The following IPO11 variants were observed in gnomAD, a reference collection of about 807,000 sequenced individuals.
IPO11 encodes the protein importin-11.
In IPO11, 66 loss-of-function variants were observed where a neutral mutation model predicts 143.2. The ratio of observed to expected loss-of-function variants is 0.46; its 90% confidence interval spans 0.38 to 0.57. The LOEUF (loss-of-function observed/expected upper bound fraction) is 0.57, where lower values mean the gene tolerates loss of function less well. Among genes scored for constraint, IPO11 ranks in the 20% least tolerant of loss-of-function variants. IPO11 has a pLI of 0.00. For synonymous variants in IPO11, 385 were observed against 377.8 expected (o/e 1.02, Z -0.22); for missense variants, 1,026 against 1,141.0 (o/e 0.90, Z 1.45).
At chr5:62,579,531 A>T in intron 27 of IPO11, 1 of 1,551,110 alleles carries the variant, frequency 6.4e-7, no homozygotes, top group Non-Finnish European at 8.7e-7. Context: ...AAATACTTGG[A>T]TGTTCGTCTG....
chr5:62,452,662 C>CAT (rs1554048350), intron 5 of IPO11, among the ~76,000 whole-genome samples: 6 of 140,208 alleles, frequency 4.3e-5, no homozygotes, highest in South Asian at 2.3e-4. Context: ...GTTTTGGGTT[C>CAT]GTGTGTGTGT....
At chr5:62,609,393 G>A (rs914675010) in intron 29 of IPO11, among the ~76,000 whole-genome samples, 5 of 152,310 alleles carry the variant, frequency 3.3e-5, no homozygotes, top group East Asian at 1.9e-4. Flanking sequence ...TGGACTAGAC[G>A]TTTAACTGGT....
chr5:62,557,870 A>G (rs553443059), intron 26 of IPO11, among the ~76,000 whole-genome samples: 1 of 152,290 alleles, frequency 6.6e-6, no homozygotes, highest in East Asian at 1.9e-4. Flanking sequence ...GGCTGAAAAG[A>G]ACTCTCAGCC....
At chr5:62,474,345 T>G in intron 7 of IPO11, 71 bp from the exon 8 acceptor site, 1 of 914,174 alleles carries the variant, frequency 1.1e-6, no homozygotes, top group South Asian at 1.9e-5. Context: ...TGTTTTGGTA[T>G]CCCTGAAAAA....
intron 1 of IPO11, among the ~76,000 whole-genome samples, chr5:62,414,208 G>C (rs943115100): frequency 6.6e-6 from 1 of 152,194 alleles, no homozygotes; most frequent in Non-Finnish European, 1.5e-5. Flanking sequence ...ATTTTGTGAT[G>C]TTTGAATATA....
At chr5:62,610,235 G>A (rs1367701135) in intron 29 of IPO11, among the ~76,000 whole-genome samples, 1 of 152,052 alleles carries the variant, frequency 6.6e-6, no homozygotes, top group Non-Finnish European at 1.5e-5. Context: ...TTACTTTATT[G>A]CTTGCCATCT....
At chr5:62,497,669 G>T (rs1741203905) in intron 16 of IPO11, among the ~76,000 whole-genome samples, 1 of 152,090 alleles carries the variant, frequency 6.6e-6, no homozygotes, top group Non-Finnish European at 1.5e-5. Flanking sequence ...AGGTCTCACT[G>T]TGTTGGCCAG....
At chr5:62,467,369 AAG>A in intron 6 of IPO11, 106 bp downstream of exon 6, 18 of 1,227,408 alleles carry the variant, frequency 1.5e-5, no homozygotes, top group Non-Finnish European at 2.0e-5. Flanking sequence ...CTGGAAAAAT[AAG>A]AGGTTTATTT....
chr5:62,488,281 A>G (rs1301243675), intron 13 of IPO11, among the ~76,000 whole-genome samples: 1 of 152,240 alleles, frequency 6.6e-6, no homozygotes, highest in Non-Finnish European at 1.5e-5. Flanking sequence ...CACTTTGTAC[A>G]CAAGTAACTA....
chr5:62,488,615 G>C (rs1746495698), intron 13 of IPO11, among the ~76,000 whole-genome samples: 1 of 152,190 alleles, frequency 6.6e-6, no homozygotes, highest in African/African-American at 2.4e-5. Context: ...CTTAAGGACA[G>C]AACCTGAGAT....
At chr5:62,510,366 CACTT>C (rs912652662) in intron 19 of IPO11, among the ~76,000 whole-genome samples, 1 of 152,154 alleles carries the variant, frequency 6.6e-6, no homozygotes, top group African/African-American at 2.4e-5. Flanking sequence ...TAAGTTTCAT[CACTT>C]ACTAATATTT....
chr5:62,491,596 G>C (rs1270288124), intron 15 of IPO11, among the ~76,000 whole-genome samples: 1 of 151,406 alleles, frequency 6.6e-6, no homozygotes, highest in African/African-American at 2.4e-5. Context: ...TTAAAGCCAT[G>C]TAAAATATTT....
intron 27 of IPO11, among the ~76,000 whole-genome samples, chr5:62,588,928 G>C (rs549503657): frequency 1.3e-5 from 2 of 152,072 alleles, no homozygotes; most frequent in Non-Finnish European, 2.9e-5. Context: ...ACTCACCCAC[G>C]TGCCTAATAC....
chr5:62,444,103 T>C (rs980308079), intron 3 of IPO11, among the ~76,000 whole-genome samples: 4 of 151,578 alleles, frequency 2.6e-5, no homozygotes, highest in African/African-American at 9.7e-5. Flanking sequence ...TTTTCTTTTT[T>C]TTTTTTTTTT....
chr5:62,586,766 A>ATATAT (rs1474461126), intron 27 of IPO11, among the ~76,000 whole-genome samples: 23 of 76,178 alleles, frequency 3.0e-4, no homozygotes, highest in Admixed American at 4.5e-4. Context: ...AAAAAAAAAA[A>ATATAT]AAATATATAT....
chr5:62,626,549 A>G (rs1047566157), intron 29 of IPO11, among the ~76,000 whole-genome samples: 11 of 152,196 alleles, frequency 7.2e-5, no homozygotes, highest in Non-Finnish European at 1.5e-4. Context: ...GGATAGAAGA[A>G]GCCAAAATAT....
chr5:62,551,132 T>C (rs906915259), intron 25 of IPO11, 91 bp from the exon 26 acceptor site: 8 of 673,892 alleles, frequency 1.2e-5, no homozygotes, highest in East Asian at 2.6e-5. Context: ...GAGAATGTTA[T>C]TTTATATCCC....
At chr5:62,609,122 A>G (rs1255659523) in intron 29 of IPO11, among the ~76,000 whole-genome samples, 3 of 152,194 alleles carry the variant, frequency 2.0e-5, no homozygotes, top group Non-Finnish European at 4.4e-5. Context: ...GAACTGCACC[A>G]ACTCCACGTC....
At chr5:62,549,308 A>G (rs1743316988) in intron 24 of IPO11, among the ~76,000 whole-genome samples, 1 of 152,144 alleles carries the variant, frequency 6.6e-6, no homozygotes, top group Admixed American at 6.6e-5. Flanking sequence ...TTAGAGCAGC[A>G]ACAAATGTTG....
Sources: allele counts gnomAD v4.1 joint callset (sites outside exome capture counted in the v4.1 genomes callset), GRCh38; gene constraint gnomAD v4.1.1; transcripts MANE v1.5; gene names NCBI Gene and HGNC (gene_info 2026-07-23, HGNC 2026-07-21).